Variants in TENM2 observed in about 807,000 individuals in gnomAD.
TENM2 encodes the protein teneurin-2.
In TENM2, 52 loss-of-function variants were observed where a neutral mutation model predicts 245.2. The ratio of observed to expected loss-of-function variants is 0.21; its 90% CI spans 0.17 to 0.27. The LOEUF is 0.27. Among genes scored for constraint, TENM2 ranks in the 10% least tolerant of loss-of-function variants. TENM2 has a pLI of 1.00. For missense variants in TENM2, 3,046 were observed against 3,666.8 expected (o/e 0.83, Z 4.37); for synonymous variants, 1,363 against 1,438.9 (o/e 0.95, Z 1.19).
At chr5:167,527,180 G>A (rs183851532) in intron 2 of TENM2, among the ~76,000 whole-genome samples, 1 of 152,044 alleles carries the variant, frequency 6.6e-6, no homozygotes, top group East Asian at 1.9e-4. Flanking sequence ...TAGAAAAAAA[G>A]ACATTCTTGG....
chr5:167,947,160 C>T (rs767709300), intron 3 of TENM2, among the ~76,000 whole-genome samples: 1 of 152,084 alleles, frequency 6.6e-6, no homozygotes, highest in Non-Finnish European at 1.5e-5. Context: ...CAAGAACTGC[C>T]ATTTCAAAGG....
chr5:168,102,451 A>G (rs1793902063), intron 9 of TENM2, among the ~76,000 whole-genome samples: 1 of 152,234 alleles, frequency 6.6e-6, no homozygotes, highest in South Asian at 2.1e-4. Flanking sequence ...TAGCGCCCCC[A>G]TTAACCCTAT....
chr5:167,336,796 A>G (rs946974972), intron 1 of TENM2, among the ~76,000 whole-genome samples: 1 of 150,312 alleles, frequency 6.7e-6, no homozygotes, highest in Admixed American at 6.7e-5. Context: ...GGGATGCTCA[A>G]TGAGTAAATA....
chr5:167,526,360 G>GCACACACA (rs72349867), intron 2 of TENM2, among the ~76,000 whole-genome samples: 13,417 of 144,022 alleles, frequency 0.093, 1,301 homozygotes, highest in East Asian at 0.31. Flanking sequence ...TTAAGAAATA[G>GCACACACA]CACACACACA....
intron 2 of TENM2, among the ~76,000 whole-genome samples, chr5:167,745,458 T>G (rs144921137): frequency 6.6e-6 from 1 of 152,318 alleles, no homozygotes; most frequent in East Asian, 1.9e-4. Context: ...GTAGGGAGAT[T>G]TCTTACTGCT....
intron 3 of TENM2, among the ~76,000 whole-genome samples, chr5:167,876,907 G>A (rs1177248252): frequency 6.6e-6 from 1 of 152,068 alleles, no homozygotes; most frequent in Non-Finnish European, 1.5e-5. Context: ...AGATTTTGTG[G>A]CCACTGTCTT....
At chr5:168,202,220 A>G (rs1395254864) in intron 17 of TENM2, among the ~76,000 whole-genome samples, 1 of 152,198 alleles carries the variant, frequency 6.6e-6, no homozygotes, top group African/African-American at 2.4e-5. Flanking sequence ...CTACTTGGTT[A>G]TTTAAAGTAC....
At chr5:167,232,167 G>T in the TENM2 span, among the ~76,000 whole-genome samples, 1 of 152,144 alleles carries the variant, frequency 6.6e-6, no homozygotes, top group Non-Finnish European at 1.5e-5. Context: ...GGGCAGTGCA[G>T]AAGGGAAATA....
At chr5:167,654,269 A>G (rs1754682992) in intron 2 of TENM2, among the ~76,000 whole-genome samples, 2 of 152,052 alleles carry the variant, frequency 1.3e-5, no homozygotes, top group Admixed American at 1.3e-4. Context: ...ATGGACAAAA[A>G]TTTCTCTTTA....
intron 5 of TENM2, among the ~76,000 whole-genome samples, chr5:168,010,028 C>A (rs183889751): frequency 6.6e-6 from 1 of 152,200 alleles, no homozygotes; most frequent in Non-Finnish European, 1.5e-5. Context: ...ACCCCTGAAG[C>A]CTGCAGCTCC....
intron 3 of TENM2, among the ~76,000 whole-genome samples, chr5:167,886,859 G>A (rs1199887255): frequency 6.6e-6 from 1 of 152,156 alleles, no homozygotes; most frequent in Non-Finnish European, 1.5e-5. Context: ...GATCAGGGCC[G>A]ATGTGTTTGA....
At chr5:167,884,291 G>T (rs1215756216) in intron 3 of TENM2, among the ~76,000 whole-genome samples, 1 of 152,138 alleles carries the variant, frequency 6.6e-6, no homozygotes, top group East Asian at 1.9e-4. Context: ...CTATTTTTAA[G>T]TGTAGAGTTC....
chr5:167,359,535 C>G (rs1320464433), intron 1 of TENM2, among the ~76,000 whole-genome samples: 15 of 151,684 alleles, frequency 9.9e-5, no homozygotes, highest in Admixed American at 9.9e-4. Flanking sequence ...TTTCATAGTA[C>G]CTACCACCTT....
At chr5:167,993,133 C>T (rs372788219) in exon 5 of TENM2, 14 of 1,614,002 alleles carry the variant, frequency 8.7e-6, no homozygotes, top group South Asian at 7.7e-5. Context: ...CTGCCCTCTC[C>T]GCCATTGCCG....
intron 1 of TENM2, among the ~76,000 whole-genome samples, chr5:167,373,308 T>C (rs899795330): frequency 6.6e-5 from 10 of 152,144 alleles, no homozygotes; most frequent in Non-Finnish European, 1.5e-4. Context: ...GTTTGTAAAA[T>C]AAAAGGTAAA....
chr5:167,900,517 A>G lies in TENM2; in HGVS notation c.712+24322A>G, dbSNP rs572050575. On this transcript the variant is annotated intron_variant, in intron 3 of 28. Transcript: ENST00000518659. ...CCAAATAAAAGTTGGGAGTGGGGGTAATGATTTATAAGCCCAAGGTTTTTA... is the reference window on the plus strand; with the variant it reads ...CCAAATAAAAGTTGGGAGTGGGGGTGATGATTTATAAGCCCAAGGTTTTTA... Among the ~76,000 whole-genome samples, 16 of 152,268 alleles carry G rather than the reference A, an allele frequency of 1.1e-4. No homozygotes were observed. In the South Asian group the frequency reaches 3.3e-3, roughly 32 times the overall value.
chr5:168,090,852 A>G (rs1219992720), intron 8 of TENM2, 83 bp downstream of exon 10: 2 of 1,277,234 alleles, frequency 1.6e-6, no homozygotes, highest in Non-Finnish European at 2.2e-6. Context: ...CACATCTTCT[A>G]AGGTAGTTTC....
chr5:168,060,777 T>A lies in TENM2; in HGVS notation c.1310-1283T>A, dbSNP rs374962242. Among the ~76,000 whole-genome samples the A allele has an allele frequency of 1.2e-4, 18 of 152,306 alleles. No individual in the cohort carries two copies. In the East Asian group the frequency reaches 2.9e-3, roughly 24 times the overall value. ...TTTTATAATTTAGACATGAAAGACCTTCAGAGACCAAAAGTGTCATCTCTC... is the reference window on the plus strand; with the variant it reads ...TTTTATAATTTAGACATGAAAGACCATCAGAGACCAAAAGTGTCATCTCTC... On this transcript the variant is annotated intron_variant, in intron 6 of 28. Coordinates refer to ENST00000518659, the Ensembl canonical transcript of TENM2.
chr5:168,136,400 T>C (rs1420767850), intron 12 of TENM2, among the ~76,000 whole-genome samples: 1 of 152,200 alleles, frequency 6.6e-6, no homozygotes, highest in Non-Finnish European at 1.5e-5. Flanking sequence ...AGTCCCTTCA[T>C]TGAAACCTGC....
Sources: gnomAD v4.1 joint callset for allele counts (sites outside exome capture counted in the v4.1 genomes callset) on GRCh38, gnomAD v4.1.1 for gene constraint, MANE v1.5 for transcripts, NCBI Gene and HGNC (gene_info 2026-07-23, HGNC 2026-07-21) for gene names.